The following UBE3A variants were observed in gnomAD, a reference collection of about 807,000 sequenced individuals.
UBE3A encodes ubiquitin protein ligase E3A.
In UBE3A, 6 loss-of-function variants were observed where a neutral mutation model predicts 83.4. The ratio of observed to expected loss-of-function variants is 0.07; its 90% CI spans 0.04 to 0.14. UBE3A has a LOEUF of 0.14. UBE3A is among the 10% of genes least tolerant of loss of function. The pLI is 1.00. For synonymous variants in UBE3A, 337 were observed against 355.4 expected (o/e 0.95, Z 0.58); for missense variants, 456 against 1,036.1 (o/e 0.44, Z 7.69).
At chr15:25,362,875 T>C (rs575024325) in intron 6 of UBE3A, among the ~76,000 whole-genome samples, 1 of 152,298 alleles carries the variant, frequency 6.6e-6, no homozygotes, top group African/African-American at 2.4e-5. Flanking sequence ...CTTGCTTTTA[T>C]CAAATATAAT....
At chr15:25,428,900 C>A (rs1892196970) in intron 1 of UBE3A, among the ~76,000 whole-genome samples, 1 of 152,020 alleles carries the variant, frequency 6.6e-6, no homozygotes, top group African/African-American at 2.4e-5. Flanking sequence ...TGCACATACA[C>A]TCATGTAAAA....
Position 25,391,065 on chromosome 15 carries a change from A to G in UBE3A, c.62+14396T>C, listed in dbSNP as rs754256517. Reference sequence around the variant, plus strand: ...TATTTGTATACCCATGTTTATTTCAACATTACAATATTCAAGAAGTGGAAG... The same window carrying G: ...TATTTGTATACCCATGTTTATTTCAGCATTACAATATTCAAGAAGTGGAAG... On this transcript the variant is annotated intron_variant, in intron 4 of 12. Coordinates refer to ENST00000648336, the MANE Select transcript of UBE3A (RefSeq NM_130839.5). Among the ~76,000 whole-genome samples, 39 of 152,212 alleles carry G rather than the reference A, an allele frequency of 2.6e-4. 1 individual carries two copies. The highest frequency in any genetic ancestry group is 6.2e-4 in the South Asian group (3 of 4,834).
chr15:25,426,514 G>T (rs74006412), intron 1 of UBE3A, among the ~76,000 whole-genome samples: 7,013 of 152,210 alleles, frequency 0.046, 205 homozygotes, highest in African/African-American at 0.064. Flanking sequence ...AGGTAGGTGG[G>T]TTTTTCCTTG....
rs35596421 is a variant in UBE3A at position 25,357,902 on chromosome 15, C to CTTTTT, written c.1754-1011_1754-1007dup. ...ACTATGCAAGCCCCAATCATGGAGG[C>CTTTTT]TTTTTTTTTTTTTTTTTTTTTTGAG... On this transcript the variant is annotated intron_variant, in intron 7 of 12. Coordinates refer to ENST00000648336, the MANE Select transcript of UBE3A (RefSeq NM_130839.5). Among the ~76,000 whole-genome samples the CTTTTT allele has an allele frequency of 4.2e-4, 40 of 95,734 alleles. 1 individual carries two copies. Among genetic ancestry groups the CTTTTT allele is most frequent in the African/African-American group, 7.1e-4 (16 of 22,500 alleles). The allele number at this position is 95,734 out of a possible 152,430, so 62.8% of individuals were successfully genotyped here. A position where few individuals can be genotyped will look rare whatever the true frequency, so the allele number is the denominator to read the frequency against.
At chr15:25,343,327 ACAC>A (rs1418977244) in intron 11 of UBE3A, among the ~76,000 whole-genome samples, 1 of 152,240 alleles carries the variant, frequency 6.6e-6, no homozygotes, top group Admixed American at 6.5e-5. Context: ...GAAACTAGTA[ACAC>A]CACATTCCAA....
rs540627740 is a variant in UBE3A, at chr15:25,417,292, T to A, written c.-164-5321A>T. Among the ~76,000 whole-genome samples the A allele has an allele frequency of 1.2e-3, 185 of 152,224 alleles. 3 individuals are homozygous for A. Among genetic ancestry groups the A allele is most frequent in the Non-Finnish European group, 8.5e-4 (58 of 68,008 alleles). On this transcript the variant is annotated intron_variant, in intron 1 of 12. Transcript: ENST00000648336. The stretch of plus-strand genomic sequence containing the variant: ...AAAGCCTTCTCTAGACAAACTCCAA[T>A]GTAGCCCTGAAGGGATAAAACTGAC...
At chr15:25,372,903 A>AT (rs1410456089) in intron 5 of UBE3A, among the ~76,000 whole-genome samples, 11 of 151,272 alleles carry the variant, frequency 7.3e-5, no homozygotes, top group African/African-American at 2.7e-4. Context: ...CTGCTATAAT[A>AT]TATGTTTCAC....
Position 25,360,297 on chromosome 15 carries a change from A to T in UBE3A, c.1753+86T>A, listed in dbSNP as rs984065013. The T allele has an allele frequency of 1.2e-5, 19 of 1,573,448 alleles. No homozygotes were observed. The African/African-American group carries it at 2.6e-4, about 21-fold the overall frequency. ...AAATCCTTCTTTTGCTGCTCTTCAT[A>T]GCTGAAAATATTTACAAAGTAAGAT... On this transcript the variant is annotated intron_variant, in intron 7 of 12. Coordinates refer to ENST00000648336, the MANE Select transcript of UBE3A (RefSeq NM_130839.5).
At chr15:25,412,988 T>C (rs1358800862) in intron 1 of UBE3A, 1 of 441,460 alleles carries the variant, frequency 2.3e-6, no homozygotes, top group East Asian at 7.2e-5. Flanking sequence ...AGAAATGAAT[T>C]TGCATTTTAA....
In UBE3A at chr15:25,375,518, T is replaced by C; in HGVS notation, c.308A>G (p.Asn103Ser). 6.2e-7 allele frequency: 1 copy of C among 1,614,088 alleles called. No individual in the cohort carries two copies. Among genetic ancestry groups the C allele is most frequent in the Non-Finnish European group, 8.5e-7 (1 of 1,180,018 alleles). The change falls in exon 5 of 13, where the codon AAC becomes AGC. Residue 103 changes from asparagine to serine, a missense_variant. Coordinates refer to ENST00000648336, the MANE Select transcript of UBE3A (RefSeq NM_130839.5). ...YLENSKGAPN[N>S]SCSEIKMNKK... is the part of the protein sequence containing the mutation. ...GTTCATTTTTATCTCAGAGCAGGAG[T>C]TGTTGGGGGCACCTTTCGAGTTCTC...
chr15:25,350,347 C>G (rs890450212), intron 11 of UBE3A, among the ~76,000 whole-genome samples: 3 of 150,736 alleles, frequency 2.0e-5, no homozygotes, highest in Non-Finnish European at 4.4e-5. Flanking sequence ...CCCTGCCCTG[C>G]ACCCGCCAAC....
rs977356604 is a variant in UBE3A at position 25,359,405 on chromosome 15, T to C, written c.1753+978A>G. Among the ~76,000 whole-genome samples, 9 of 147,812 alleles carry C rather than the reference T, an allele frequency of 6.1e-5. No individual in the cohort carries two copies. In the East Asian group the frequency reaches 1.4e-3, roughly 23 times the overall value. The stretch of plus-strand genomic sequence containing the variant: ...TATTAATAAAACACTAGCTAGATTA[T>C]AGATAAGGGATGCGTGTGTGTGTGT... On this transcript the variant is annotated intron_variant, in intron 7 of 12. Coordinates refer to ENST00000648336, the MANE Select transcript of UBE3A (RefSeq NM_130839.5).
intron 11 of UBE3A, among the ~76,000 whole-genome samples, chr15:25,348,081 G>C (rs770323305): frequency 3.1e-4 from 47 of 151,662 alleles, no homozygotes; most frequent in Non-Finnish European, 6.2e-4. Context: ...CAGATTCAGA[G>C]CAAAGAAAAT....
rs1245141354 is a variant in UBE3A, at chr15:25,438,471, G to T, written c.-165+18C>A. 1 of 152,236 alleles carries T rather than the reference G, an allele frequency of 6.6e-6. No homozygotes were observed. Among genetic ancestry groups the T allele is most frequent in the Non-Finnish European group, 1.5e-5 (1 of 68,064 alleles). 9.4% of individuals were successfully genotyped at this position (152,236 alleles called of 1,614,324 possible). On this transcript the variant is annotated intron_variant, in intron 1 of 12. Coordinates refer to ENST00000648336, the MANE Select transcript of UBE3A (RefSeq NM_130839.5). ...AGGGGAGCCAGCGCCGCCTGGCGCAGGCCGCGGCAACACTGACCTGTCGTC... is the reference window on the plus strand; with the variant it reads ...AGGGGAGCCAGCGCCGCCTGGCGCATGCCGCGGCAACACTGACCTGTCGTC...
At chr15:25,339,654 C>A (rs1277067758) in intron 12 of UBE3A, 1 of 284,324 alleles carries the variant, frequency 3.5e-6, no homozygotes, top group African/African-American at 2.2e-5. Context: ...ACCTGTTTTA[C>A]AAGACTGCAA....
Position 25,360,340 on chromosome 15 carries a change from A to G in UBE3A, c.1753+43T>C, listed in dbSNP as rs376822165. 5 of 1,611,322 alleles carry G rather than the reference A, an allele frequency of 3.1e-6. No homozygotes were observed. The African/African-American group carries it at 5.3e-5, about 17-fold the overall frequency. On this transcript the variant is annotated intron_variant, in intron 7 of 12. Transcript: ENST00000648336. ...AGTAAGATAAACAAATAACTAACTC[A>G]AAAGATGATACGACACCATAATCAC... is the stretch of plus-strand genomic sequence containing the variant.
chr15:25,425,930 T>C (rs1891187563), intron 1 of UBE3A, among the ~76,000 whole-genome samples: 1 of 152,182 alleles, frequency 6.6e-6, no homozygotes. Flanking sequence ...CATACATACA[T>C]AGAACTCTGG....
intron 3 of UBE3A, among the ~76,000 whole-genome samples, chr15:25,405,986 T>C (rs2088435665): frequency 6.6e-6 from 1 of 152,212 alleles, no homozygotes; most frequent in South Asian, 2.1e-4. Flanking sequence ...TGAAGTTTTA[T>C]TGGGATGCAG....
intron 4 of UBE3A, among the ~76,000 whole-genome samples, chr15:25,376,353 C>T (rs982156256): frequency 2.6e-5 from 4 of 152,122 alleles, no homozygotes; most frequent in Admixed American, 6.6e-5. Context: ...TGAAAGAAAG[C>T]GGCTGCAGCC....
Sources: allele counts gnomAD v4.1 joint callset (sites outside exome capture counted in the v4.1 genomes callset), GRCh38; gene constraint gnomAD v4.1.1; transcripts MANE v1.5; gene names NCBI Gene and HGNC (gene_info 2026-07-23, HGNC 2026-07-21).